Variants in PROSER2 observed in about 807,000 individuals in gnomAD.
The protein encoded by PROSER2 is proline and serine rich 2.
A neutral mutation model predicts 14.6 loss-of-function variants in PROSER2; 18 were observed. The ratio of observed to expected loss-of-function variants is 1.23; its 90% CI spans 0.85 to 1.83. The LOEUF (loss-of-function observed/expected upper bound fraction) is 1.83. Ranked by LOEUF, PROSER2 falls within the 40% of genes most tolerant of loss-of-function variation. The pLI, the probability that PROSER2 is intolerant of heterozygous loss-of-function variation, is 0.00. For synonymous variants in PROSER2, 367 were observed against 286.4 expected, an observed-to-expected ratio of 1.28 and a Z score of -2.84; for missense variants, 823 against 629.8, an observed-to-expected ratio of 1.31 and a Z score of -3.28.
intron 2 of PROSER2, among the ~76,000 whole-genome samples, chr10:11,859,141 G>A (rs966207703): frequency 6.6e-6 from 1 of 151,644 alleles, no homozygotes; most frequent in African/African-American, 2.4e-5. Context: ...CATCATTTGG[G>A]CCAAGCATGG....
intron 2 of PROSER2, among the ~76,000 whole-genome samples, chr10:11,860,413 G>T (rs370773172): frequency 1.1e-4 from 17 of 151,938 alleles, no homozygotes; most frequent in Non-Finnish European, 4.4e-5. Flanking sequence ...TCAGGAGTTC[G>T]AGACCAGGCT....
rs370816362 is a variant in PROSER2 at position 11,871,529 on chromosome 10, T to A, written c.*1123T>A. 7.9e-5 allele frequency: 12 copies of A among 152,200 alleles called. No individual in the cohort carries two copies. The East Asian group carries it at 1.3e-3, about 17-fold the overall frequency. The allele number at this position is 152,200 out of a possible 1,614,324, so 9.4% of individuals were successfully genotyped here. ...CAGTCAACAGAAGGAAGCAAAAGATTCTTAAAGATCCACCGACTGTCATGT... is the reference window on the plus strand; with the variant it reads ...CAGTCAACAGAAGGAAGCAAAAGATACTTAAAGATCCACCGACTGTCATGT... On this transcript the variant is annotated 3_prime_UTR_variant, in exon 4 of 4. Coordinates refer to ENST00000277570, the MANE Select transcript of PROSER2 (RefSeq NM_153256.4).
Position 11,830,184 on chromosome 10 carries a change from C to T in PROSER2, c.-82+6714C>T, listed in dbSNP as rs530306736. Among the ~76,000 whole-genome samples the T allele has an allele frequency of 1.3e-5, 2 of 152,252 alleles. No individual in the cohort carries two copies. Among genetic ancestry groups the T allele is most frequent in the African/African-American group, 4.8e-5 (2 of 41,548 alleles). ...AGCCCTCCTCTCCCCACTCCATGGA[C>T]CTTCCCACCTTTTGGAGTCTCCCGT... On this transcript the variant is annotated intron_variant, in intron 1 of 3. Coordinates refer to ENST00000277570, the MANE Select transcript of PROSER2 (RefSeq NM_153256.4). The surrounding 1 kb of genome is among the most constrained non-coding windows in gnomAD (Gnocchi z 4.5).
At chr10:11,851,854 G>A (rs999320300) in intron 1 of PROSER2, 143 bp from the exon 2 acceptor site, 19 of 383,000 alleles carry the variant, frequency 5.0e-5, no homozygotes, top group African/African-American at 2.5e-4. Flanking sequence ...TCCTCAAACT[G>A]GTTGACTTAG....
At chr10:11,844,891 G>A (rs775222683) in intron 1 of PROSER2, among the ~76,000 whole-genome samples, 28 of 152,174 alleles carry the variant, frequency 1.8e-4, no homozygotes, top group Admixed American at 5.9e-4. Flanking sequence ...CAAAGTGCTG[G>A]GATTACAGGC....
chr10:11,856,619 A>G lies in PROSER2; in HGVS notation c.138+4404A>G, dbSNP rs1042661461. On this transcript the variant is annotated intron_variant, in intron 2 of 3. Transcript: ENST00000277570. This position sits in a 1 kb window ranked among gnomAD's most constrained non-coding sequence, Gnocchi z 5.3. ...ATTTATGAATGAGTTTTTAGGATTT[A>G]ATATTTGATGAACTGTCTCGAATCC... 6.6e-6 allele frequency among the ~76,000 whole-genome samples: 1 copy of G among 152,210 alleles called. No homozygotes were observed. Among genetic ancestry groups the G allele is most frequent in the Non-Finnish European group, 1.5e-5 (1 of 68,048 alleles).
At position 11,871,230 on chromosome 10, in the gene PROSER2, C is replaced by T. The variant is rs1240654542; in HGVS notation, c.*824C>T. 5.3e-5 allele frequency: 8 copies of T among 152,184 alleles called. No homozygotes were observed. The highest frequency in any genetic ancestry group is 8.8e-5 in the Non-Finnish European group (6 of 68,048). The allele number at this position is 152,184 out of a possible 1,614,324, so 9.4% of individuals were successfully genotyped here. On this transcript the variant is annotated 3_prime_UTR_variant, in exon 4 of 4. Transcript: ENST00000277570. ...CTCCTAAGTCACTACAGGATGCCAGCGCTTCCTATTCTTGGGTAGACAGAG... is the reference window on the plus strand; with the variant it reads ...CTCCTAAGTCACTACAGGATGCCAGTGCTTCCTATTCTTGGGTAGACAGAG...
intron 1 of PROSER2, 39 bp from the exon 2 acceptor site, chr10:11,851,958 G>A (rs1002537168): frequency 3.1e-5 from 34 of 1,086,626 alleles, no homozygotes; most frequent in Non-Finnish European, 3.7e-5. Context: ...TTACAGTCTC[G>A]GCTTACTGAC....
At chr10:11,825,839 G>A (rs190303442) in intron 1 of PROSER2, among the ~76,000 whole-genome samples, 1 of 152,308 alleles carries the variant, frequency 6.6e-6, no homozygotes, top group East Asian at 1.9e-4. Flanking sequence ...AGAGACTGTA[G>A]CACTGTGAAG....
At position 11,871,723 on chromosome 10, in the gene PROSER2, G is replaced by A. The variant is rs1834493483; in HGVS notation, c.*1317G>A. On this transcript the variant is annotated 3_prime_UTR_variant, in exon 4 of 4. Coordinates refer to ENST00000277570, the MANE Select transcript of PROSER2 (RefSeq NM_153256.4). ...TAGACCTCTAAAAATAGACAGGAAG[G>A]GCTGCCCTGAGCAGTGACACCTTTG... 1 of 152,178 alleles carries A rather than the reference G, an allele frequency of 6.6e-6. No homozygotes were observed. Among genetic ancestry groups the A allele is most frequent in the Non-Finnish European group, 1.5e-5 (1 of 68,032 alleles). 9.4% of individuals were successfully genotyped at this position (152,178 alleles called of 1,614,324 possible).
At chr10:11,846,887 C>G (rs1833929413) in intron 1 of PROSER2, among the ~76,000 whole-genome samples, 1 of 152,040 alleles carries the variant, frequency 6.6e-6, no homozygotes, top group Non-Finnish European at 1.5e-5. Context: ...TACAGGCACG[C>G]ACCACCACGC....
chr10:11,868,464 G>T (rs1394015347), intron 3 of PROSER2, among the ~76,000 whole-genome samples: 2 of 151,790 alleles, frequency 1.3e-5, no homozygotes, highest in Non-Finnish European at 2.9e-5. Flanking sequence ...TAGTGATGGG[G>T]TCTCACTATG....
intron 2 of PROSER2, among the ~76,000 whole-genome samples, chr10:11,863,212 A>G (rs1349547314): frequency 2.0e-5 from 3 of 152,156 alleles, no homozygotes; most frequent in Admixed American, 6.6e-5. Context: ...ACAACAGTGT[A>G]CTATGCTTTC....
chr10:11,835,240 C>T (rs1833744834), intron 1 of PROSER2, among the ~76,000 whole-genome samples: 1 of 152,136 alleles, frequency 6.6e-6, no homozygotes, highest in African/African-American at 2.4e-5. Flanking sequence ...AGCCCCAGCT[C>T]CTCTTACCTC....
rs959148254 is a variant in PROSER2, at chr10:11,856,264, C to T, written c.138+4049C>T. Among the ~76,000 whole-genome samples the T allele has an allele frequency of 2.0e-5, 3 of 152,230 alleles. No individual in the cohort carries two copies. Among genetic ancestry groups the T allele is most frequent in the African/African-American group, 7.2e-5 (3 of 41,454 alleles). ...GCTCTGGGTGTTTGGTTACCACCGT[C>T]ACCCTCTAAGGCCTGTGTCTCCAGG... On this transcript the variant is annotated intron_variant, in intron 2 of 3. Coordinates refer to ENST00000277570, the MANE Select transcript of PROSER2 (RefSeq NM_153256.4). This position sits in a 1 kb window ranked among gnomAD's most constrained non-coding sequence, Gnocchi z 5.3.
At chr10:11,859,274 AC>A (rs1320360754) in intron 2 of PROSER2, among the ~76,000 whole-genome samples, 1 of 151,810 alleles carries the variant, frequency 6.6e-6, no homozygotes, top group Non-Finnish European at 1.5e-5. Context: ...ATACCAAAAA[AC>A]AAAAAAGGCC....
Position 11,870,424 on chromosome 10 carries a change from G to T in PROSER2, c.*18G>T. 1 of 1,459,840 alleles carries T rather than the reference G, an allele frequency of 6.9e-7. No homozygotes were observed. Among genetic ancestry groups the T allele is most frequent in the Non-Finnish European group, 9.0e-7 (1 of 1,109,590 alleles). 90.4% of individuals were successfully genotyped at this position (1,459,840 alleles called of 1,614,324 possible). The stretch of plus-strand genomic sequence containing the variant: ...GTTCGTGAGGGCCGCGCGGGCTCCA[G>T]TCCACCCCGTTTCTCCCCACCCTGA... On this transcript the variant is annotated 3_prime_UTR_variant, in exon 4 of 4. Coordinates refer to ENST00000277570, the MANE Select transcript of PROSER2 (RefSeq NM_153256.4).
rs756638288 is a variant in PROSER2 at position 11,866,706 on chromosome 10, A to T, written c.314A>T (p.Glu105Val). Residue 105 changes from glutamate (E) to valine (V), a missense_variant, in exon 3 of 4, where the codon GAA becomes GTA. Glu to Val is a moderately radical substitution (Grantham distance 121, BLOSUM62 -2). Transcript: ENST00000277570. The surrounding 1 kb of genome is among the most constrained non-coding windows in gnomAD (Gnocchi z 6.0). Reference protein sequence around the residue: ...EESTSSPSEPEDVIDLVQPAP... With the variant: ...EESTSSPSEPVDVIDLVQPAP... ...AGCACCTCCAGTCCCTCCGAGCCTGAAGATGTCATCGACTTAGTGCAGCCA... is the reference window on the plus strand; with the variant it reads ...AGCACCTCCAGTCCCTCCGAGCCTGTAGATGTCATCGACTTAGTGCAGCCA... 6.2e-7 allele frequency: 1 copy of T among 1,614,018 alleles called. No individual in the cohort carries two copies. The highest frequency in any genetic ancestry group is 1.1e-5 in the South Asian group (1 of 91,068).
At position 11,869,038 on chromosome 10, in the gene PROSER2, G is replaced by T. The variant is rs190543251; in HGVS notation, c.392-452G>T. On this transcript the variant is annotated intron_variant, in intron 3 of 3. Coordinates refer to ENST00000277570, the MANE Select transcript of PROSER2 (RefSeq NM_153256.4). This position sits in a 1 kb window ranked among gnomAD's most constrained non-coding sequence, Gnocchi z 4.4. Reference sequence around the variant, plus strand: ...ATGCTATGTAAGGACTCAGAGGCAGGCCTGTTAAATTCTCTGTCATAGAGG... The same window carrying T: ...ATGCTATGTAAGGACTCAGAGGCAGTCCTGTTAAATTCTCTGTCATAGAGG... Among the ~76,000 whole-genome samples the T allele has an allele frequency of 3.9e-5, 6 of 152,312 alleles. No homozygotes were observed. The highest frequency in any genetic ancestry group is 8.8e-5 in the Non-Finnish European group (6 of 68,026).
Sources: gnomAD v4.1 joint callset for allele counts (sites outside exome capture counted in the v4.1 genomes callset) on GRCh38, gnomAD v4.1.1 for gene constraint, Gnocchi (gnomAD v3.1) non-coding constraint, MANE v1.5 for transcripts, NCBI Gene and HGNC (gene_info 2026-07-23, HGNC 2026-07-21) for gene names.